Variants in PCDH15 observed in about 807,000 individuals in gnomAD.
The protein encoded by PCDH15 is protocadherin-15.
A neutral mutation model predicts 178.5 loss-of-function variants in PCDH15; 129 were observed. The ratio of observed to expected loss-of-function variants is 0.72; its 90% confidence interval spans 0.63 to 0.84. PCDH15 has a LOEUF of 0.84. Among genes scored for constraint, PCDH15 ranks in the 40% least tolerant of loss-of-function variants. PCDH15 has a pLI of 0.00. For synonymous variants in PCDH15, 800 were observed against 732.0 expected, an observed-to-expected ratio of 1.09 and a Z score of -1.50; for missense variants, 2,230 against 2,099.9, an observed-to-expected ratio of 1.06 and a Z score of -1.21.
chr10:55,574,441 C>A (rs1335746361), intron 2 of PCDH15, among the ~76,000 whole-genome samples: 1 of 151,976 alleles, frequency 6.6e-6, no homozygotes, highest in African/African-American at 2.4e-5. Flanking sequence ...AGGCAATCAA[C>A]TTTAGAACTA....
intron 13 of PCDH15, among the ~76,000 whole-genome samples, chr10:54,168,336 C>T (rs2046482801): frequency 6.6e-6 from 1 of 152,094 alleles, no homozygotes; most frequent in African/African-American, 2.4e-5. Context: ...CCTTCTTTCC[C>T]TCCCGCCTGT....
At chr10:54,747,875 C>T (rs546156737) in intron 1 of PCDH15, among the ~76,000 whole-genome samples, 2 of 147,298 alleles carry the variant, frequency 1.4e-5, no homozygotes, top group African/African-American at 2.5e-5. Context: ...GCGTGATCTC[C>T]GCTCACTGCA....
At chr10:55,507,278 T>C (rs925562222) in intron 2 of PCDH15, among the ~76,000 whole-genome samples, 5 of 151,576 alleles carry the variant, frequency 3.3e-5, no homozygotes, top group African/African-American at 1.2e-4. Flanking sequence ...TTTTAGATAA[T>C]ATAATGCACA....
chr10:54,963,632 C>T (rs77895733), intron 2 of PCDH15, among the ~76,000 whole-genome samples: 1 of 152,194 alleles, frequency 6.6e-6, no homozygotes, highest in Non-Finnish European at 1.5e-5. Context: ...TAGCTTCCAA[C>T]TGAAAGTTAT....
chr10:54,933,915 G>A (rs1003830163), intron 2 of PCDH15, among the ~76,000 whole-genome samples: 4 of 152,104 alleles, frequency 2.6e-5, no homozygotes, highest in Non-Finnish European at 4.4e-5. Flanking sequence ...ACCAAGGTTA[G>A]GCTGCTATTA....
At chr10:54,639,034 C>A (rs2093929711) in intron 2 of PCDH15, among the ~76,000 whole-genome samples, 1 of 151,992 alleles carries the variant, frequency 6.6e-6, no homozygotes. Flanking sequence ...AATATCCTAC[C>A]TTAACAAGCC....
At chr10:54,528,175 T>C (rs2083542604) in intron 2 of PCDH15, among the ~76,000 whole-genome samples, 1 of 151,962 alleles carries the variant, frequency 6.6e-6, no homozygotes. Flanking sequence ...GATGGAAATT[T>C]AACCCAAAGA....
At chr10:54,068,241 T>A (rs1474690420) in intron 17 of PCDH15, among the ~76,000 whole-genome samples, 1 of 152,166 alleles carries the variant, frequency 6.6e-6, no homozygotes, top group Non-Finnish European at 1.5e-5. Flanking sequence ...TGTTCAGTAG[T>A]CACTTAATAA....
intron 2 of PCDH15, among the ~76,000 whole-genome samples, chr10:55,148,263 A>C (rs144077467): frequency 1.2e-3 from 180 of 152,008 alleles, no homozygotes; most frequent in African/African-American, 4.1e-3. Context: ...TGAGGTATTA[A>C]TATTTATGAA....
intron 8 of PCDH15, among the ~76,000 whole-genome samples, chr10:54,237,611 T>C (rs2134398502): frequency 6.6e-6 from 1 of 152,300 alleles, no homozygotes; most frequent in Non-Finnish European, 1.5e-5. Flanking sequence ...AATAACTATC[T>C]TTAGGCTTTG....
intron 1 of PCDH15, among the ~76,000 whole-genome samples, chr10:55,260,939 A>G (rs1842133026): frequency 6.6e-6 from 1 of 152,192 alleles, no homozygotes; most frequent in Non-Finnish European, 1.5e-5. Context: ...GTCTTGTATA[A>G]TGAACAGATT....
chr10:53,908,004 T>C (rs2082800042), intron 25 of PCDH15, among the ~76,000 whole-genome samples: 1 of 152,206 alleles, frequency 6.6e-6, no homozygotes, highest in South Asian at 2.1e-4. Flanking sequence ...GATGAATCCA[T>C]TTCATTTATC....
chr10:55,563,252 G>T (rs976472660), intron 2 of PCDH15, among the ~76,000 whole-genome samples: 2 of 151,808 alleles, frequency 1.3e-5, no homozygotes, highest in African/African-American at 2.4e-5. Context: ...GTGACTTCCA[G>T]GAGATTTAAA....
intron 13 of PCDH15, among the ~76,000 whole-genome samples, chr10:54,171,759 CCTT>C (rs2046932492): frequency 6.6e-6 from 1 of 152,028 alleles, no homozygotes; most frequent in Non-Finnish European, 1.5e-5. Context: ...CTGTTTTTCT[CCTT>C]CTGTTATTCC....
At chr10:55,328,841 GT>G (rs1257787711) in intron 2 of PCDH15, among the ~76,000 whole-genome samples, 1 of 147,192 alleles carries the variant, frequency 6.8e-6, no homozygotes, top group East Asian at 2.0e-4. Context: ...TTTATATGAA[GT>G]TCTTGAGCAT....
intron 1 of PCDH15, among the ~76,000 whole-genome samples, chr10:54,779,520 A>ATATATACACACATATATGTGTGTATATG (rs1950151594): frequency 7.0e-6 from 1 of 143,784 alleles, no homozygotes; most frequent in Non-Finnish European, 1.5e-5. Context: ...GTGTGTATAT[A>ATATATACACACATATATGTGTGTATATG]TATATACACA....
intron 2 of PCDH15, among the ~76,000 whole-genome samples, chr10:55,403,925 C>T (rs1475336064): frequency 6.6e-6 from 1 of 151,942 alleles, no homozygotes; most frequent in Non-Finnish European, 1.5e-5. Context: ...AAGTTAATCA[C>T]TTTTATGTTG....
chr10:54,651,761 A>T (rs2094266385), intron 2 of PCDH15, among the ~76,000 whole-genome samples: 1 of 152,230 alleles, frequency 6.6e-6, no homozygotes, highest in African/African-American at 2.4e-5. Flanking sequence ...CATCAGCCCA[A>T]CAATAATACG....
intron 2 of PCDH15, among the ~76,000 whole-genome samples, chr10:55,426,958 G>A (rs1263137310): frequency 6.6e-6 from 1 of 151,874 alleles, no homozygotes; most frequent in African/African-American, 2.4e-5. Context: ...TGAGCTTGGG[G>A]TTTTTATGGG....
Sources: allele counts gnomAD v4.1 joint callset (sites outside exome capture counted in the v4.1 genomes callset), GRCh38; gene constraint gnomAD v4.1.1; transcripts MANE v1.5; gene names NCBI Gene and HGNC (gene_info 2026-07-23, HGNC 2026-07-21).